ATP9B: variants seen among roughly 807,000 people sequenced by gnomAD.
ATP9B encodes the protein ATPase phospholipid transporting 9B, also known as probable phospholipid-transporting ATPase IIB.
A neutral mutation model predicts 146.1 loss-of-function variants in ATP9B; 110 were observed. The ratio of observed to expected loss-of-function variants is 0.75; its 90% CI spans 0.65 to 0.88. The LOEUF is 0.88. Among genes scored for constraint, ATP9B ranks in the 40% least tolerant of loss-of-function variants. ATP9B has a pLI of 0.00. For synonymous variants in ATP9B, 604 were observed against 569.7 expected (o/e 1.06, Z -0.86); for missense variants, 1,499 against 1,496.4 (o/e 1.00, Z -0.03).
chr18:79,168,378 GT>G lies in ATP9B; in HGVS notation c.779-8421del, dbSNP rs57706892. On this transcript the variant is annotated intron_variant, in intron 7 of 29. Transcript: ENST00000426216. The stretch of plus-strand genomic sequence containing the variant: ...CCAAATAAGTTTTGTTTTTGATTTT[GT>G]TTTTTTTTTTTTTACATTTGTGTAT... 2.6e-3 allele frequency among the ~76,000 whole-genome samples: 373 copies of G among 143,630 alleles called. 3 individuals are homozygous for G. The highest frequency in any genetic ancestry group is 6.5e-3 in the African/African-American group (254 of 39,378). 94.2% of individuals were successfully genotyped at this position (143,630 alleles called of 152,430 possible).
rs1309101086 is a variant in ATP9B, at chr18:79,166,315, C to T, written c.779-10498C>T. 5.3e-5 allele frequency among the ~76,000 whole-genome samples: 8 copies of T among 152,242 alleles called. No homozygotes were observed. The South Asian group carries it at 1.0e-3, about 20-fold the overall frequency. On this transcript the variant is annotated intron_variant, in intron 7 of 29. Transcript: ENST00000426216. ...CAGGAGACTGTGAGCATGTGCTAGG[C>T]GCTCTCAGAAGCAGCTGCAATGGGA... is the stretch of plus-strand genomic sequence containing the variant.
At chr18:79,229,978 TAAAAA>T (rs144310383) in intron 11 of ATP9B, among the ~76,000 whole-genome samples, 1 of 147,772 alleles carries the variant, frequency 6.8e-6, no homozygotes, top group South Asian at 2.1e-4. Flanking sequence ...TTTAGTGCAT[TAAAAA>T]AAAAAGGAAC....
At chr18:79,372,052 G>A (rs7243874) in intron 26 of ATP9B, among the ~76,000 whole-genome samples, 38,976 of 151,508 alleles carry the variant, frequency 0.26, 5,844 homozygotes, top group African/African-American at 0.41. Context: ...CTCAACACGT[G>A]TCACTTTCGA....
intron 2 of ATP9B, among the ~76,000 whole-genome samples, chr18:79,102,483 T>C (rs1197493412): frequency 6.6e-6 from 1 of 152,200 alleles, no homozygotes; most frequent in East Asian, 1.9e-4. Flanking sequence ...GGTTCTGTTC[T>C]CTTCTCCATC....
intron 11 of ATP9B, among the ~76,000 whole-genome samples, chr18:79,219,689 C>T (rs534808176): frequency 1.9e-4 from 29 of 152,104 alleles, no homozygotes; most frequent in Admixed American, 5.2e-4. Context: ...CCTCTCCTTC[C>T]GTCCTTTTTT....
At chr18:79,073,114 G>A (rs7235387) in intron 1 of ATP9B, among the ~76,000 whole-genome samples, 37,418 of 150,502 alleles carry the variant, frequency 0.25, 4,854 homozygotes, top group East Asian at 0.5. Context: ...ATGGGGTGGC[G>A]GCCGGGAAGA....
Position 79,108,694 on chromosome 18 carries a change from C to T in ATP9B, c.294-1661C>T, listed in dbSNP as rs182430367. On this transcript the variant is annotated intron_variant, in intron 2 of 29. Transcript: ENST00000426216. ...GGGAGCAGTGCTTGGCAGTCCTTCACGTGCTGGAACAGTCCCTGTTAGGGA... is the reference window on the plus strand; with the variant it reads ...GGGAGCAGTGCTTGGCAGTCCTTCATGTGCTGGAACAGTCCCTGTTAGGGA... Among the ~76,000 whole-genome samples the T allele has an allele frequency of 9.9e-5, 15 of 152,270 alleles. No individual in the cohort carries two copies. In the East Asian group the frequency reaches 2.1e-3, roughly 22 times the overall value.
At chr18:79,119,943 A>G (rs900643092) in intron 4 of ATP9B, among the ~76,000 whole-genome samples, 1 of 152,234 alleles carries the variant, frequency 6.6e-6, no homozygotes, top group Non-Finnish European at 1.5e-5. Context: ...AATCAAGACA[A>G]TTTGAATAAT....
chr18:79,283,537 A>G lies in ATP9B; in HGVS notation c.1411+6341A>G, dbSNP rs990324167. On this transcript the variant is annotated intron_variant, in intron 13 of 29. Coordinates refer to ENST00000426216, the MANE Select transcript of ATP9B (RefSeq NM_198531.5). ...GAAAATGAAGTATCCCAATAATTGC[A>G]TTATAGTTTCCTTCTTGTGGACAAG... Among the ~76,000 whole-genome samples, 4 of 152,358 alleles carry G rather than the reference A, an allele frequency of 2.6e-5. No individual in the cohort carries two copies. The South Asian group carries it at 8.3e-4, about 32-fold the overall frequency.
chr18:79,325,116 C>T (rs139187408), intron 15 of ATP9B, among the ~76,000 whole-genome samples: 15 of 152,250 alleles, frequency 9.9e-5, no homozygotes, highest in Non-Finnish European at 1.9e-4. Context: ...CCCCAGATGC[C>T]GGAGGACACA....
At chr18:79,285,399 C>G (rs1312548138) in intron 13 of ATP9B, among the ~76,000 whole-genome samples, 1 of 152,150 alleles carries the variant, frequency 6.6e-6, no homozygotes. Flanking sequence ...TCATGTGTCT[C>G]TTGGCTGCAT....
chr18:79,352,883 A>C (rs953213038), intron 25 of ATP9B: 1 of 152,242 alleles, frequency 6.6e-6, no homozygotes, highest in East Asian at 1.9e-4. Flanking sequence ...AGTACTAATC[A>C]AGTAAAAAGG....
rs114773847 is a variant in ATP9B, at chr18:79,298,438, C to T, written c.1412-5166C>T. ...GGGCCTTGTGGGCTGCAAACTACGT[C>T]ACACTCATGAAAGAAACCAAAATAG... On this transcript the variant is annotated intron_variant, in intron 13 of 29. Coordinates refer to ENST00000426216, the MANE Select transcript of ATP9B (RefSeq NM_198531.5). Among the ~76,000 whole-genome samples the T allele has an allele frequency of 7.3e-3, 1,071 of 146,600 alleles. 99 individuals carry two copies. The highest frequency in any genetic ancestry group is 0.025 in the African/African-American group (1,003 of 39,892).
At chr18:79,200,668 T>C (rs951969378) in intron 9 of ATP9B, among the ~76,000 whole-genome samples, 18 of 210 alleles carry the variant, frequency 0.086, no homozygotes, top group Non-Finnish European at 0.15. Flanking sequence ...TAATAAAGGA[T>C]ACATTTCTGA....
At chr18:79,272,480 G>A (rs778850869) in intron 12 of ATP9B, among the ~76,000 whole-genome samples, 8 of 150,704 alleles carry the variant, frequency 5.3e-5, no homozygotes, top group Non-Finnish European at 1.0e-4. Flanking sequence ...GCACGGATAC[G>A]CTTCTCTCCC....
intron 12 of ATP9B, among the ~76,000 whole-genome samples, chr18:79,266,674 A>ATT (rs1418926259): frequency 1.3e-5 from 2 of 151,990 alleles, no homozygotes; most frequent in Admixed American, 6.5e-5. Context: ...TTTAGGAAAT[A>ATT]TTTTTCTAAA....
At chr18:79,071,399 C>CTTGTTTTTTTTTTTTTTTTTTT (rs2071773971) in intron 1 of ATP9B, among the ~76,000 whole-genome samples, 1 of 69,268 alleles carries the variant, frequency 1.4e-5, no homozygotes, top group Non-Finnish European at 2.8e-5. Flanking sequence ...ATTGTTCTTC[C>CTTGTTTTTTTTTTTTTTTTTTT]TTTTTTTTTT....
chr18:79,351,986 A>G (rs2147665125), intron 25 of ATP9B, among the ~76,000 whole-genome samples: 1 of 152,102 alleles, frequency 6.6e-6, no homozygotes, highest in South Asian at 2.1e-4. Context: ...CCTCATGGGG[A>G]ACCTCTGTAG....
chr18:79,134,779 T>C (rs2094428186), intron 5 of ATP9B, among the ~76,000 whole-genome samples: 1 of 152,254 alleles, frequency 6.6e-6, no homozygotes, highest in South Asian at 2.1e-4. Flanking sequence ...TAGCAAATGT[T>C]TTTACCTTGA....
Sources: gnomAD v4.1 joint callset for allele counts (sites outside exome capture counted in the v4.1 genomes callset) on GRCh38, gnomAD v4.1.1 for gene constraint, MANE v1.5 for transcripts, NCBI Gene and HGNC (gene_info 2026-07-23, HGNC 2026-07-21) for gene names.